The following SLC25A26 variants were observed in gnomAD, a reference collection of about 807,000 sequenced individuals.
The protein encoded by SLC25A26 is solute carrier family 25 member 26.
A neutral mutation model predicts 37.8 loss-of-function variants in SLC25A26; 36 were observed. The ratio of observed to expected loss-of-function variants is 0.95; its 90% CI spans 0.73 to 1.26. The LOEUF is 1.26. Ranked by LOEUF, SLC25A26 falls within the 50% of genes most tolerant of loss-of-function variation. The pLI is 0.00. For missense variants in SLC25A26, 390 were observed against 331.1 expected, an observed-to-expected ratio of 1.18 and a Z score of -1.38; for synonymous variants, 129 against 122.5, an observed-to-expected ratio of 1.05 and a Z score of -0.35.
At chr3:66,353,853 G>T (rs1421494628) in intron 6 of SLC25A26, among the ~76,000 whole-genome samples, 1 of 152,204 alleles carries the variant, frequency 6.6e-6, no homozygotes, top group Non-Finnish European at 1.5e-5. Flanking sequence ...ACTCCCCACA[G>T]GACGGTGCTT....
chr3:66,290,443 C>G (rs115844085), intron 5 of SLC25A26, among the ~76,000 whole-genome samples: 1 of 152,246 alleles, frequency 6.6e-6, no homozygotes, highest in African/African-American at 2.4e-5. Flanking sequence ...ATGATACAGG[C>G]TGTGGTTTTG....
chr3:66,295,625 T>A (rs1265326688), intron 5 of SLC25A26, among the ~76,000 whole-genome samples: 1 of 151,706 alleles, frequency 6.6e-6, no homozygotes, highest in African/African-American at 2.4e-5. Flanking sequence ...ATGCTCTTGA[T>A]CTCCTGACTT....
rs189802487 is a variant in SLC25A26, at chr3:66,249,414, A to G, written c.300+6102A>G. ...TCCCACTGGTTAAAGGATTGGACGC[A>G]TAGATGCTGTGTGGTGTTTTTCAGC... On this transcript the variant is annotated intron_variant, in intron 3 of 9. Transcript: ENST00000354883. Among the ~76,000 whole-genome samples, 28 of 152,354 alleles carry G rather than the reference A, an allele frequency of 1.8e-4. No individual in the cohort carries two copies. In the East Asian group the frequency reaches 4.6e-3, roughly 25 times the overall value.
At position 66,258,160 on chromosome 3, in the gene SLC25A26, A is replaced by G. The variant is rs9871250; in HGVS notation, c.301-3891A>G. Among the ~76,000 whole-genome samples, 1,221 of 152,190 alleles carry G rather than the reference A, an allele frequency of 8.0e-3. 19 individuals are homozygous for G. The highest frequency in any genetic ancestry group is 0.028 in the African/African-American group (1,160 of 41,524). On this transcript the variant is annotated intron_variant, in intron 3 of 9. Transcript: ENST00000354883. ...TCTAGATATCCTCCACCTCCCTAAC[A>G]AGGGGTGGCCATGTCACACAACTCT...
chr3:66,291,847 A>C (rs2107512198), intron 5 of SLC25A26, among the ~76,000 whole-genome samples: 1 of 152,194 alleles, frequency 6.6e-6, no homozygotes, highest in Middle Eastern at 3.4e-3. Context: ...TCAAGTCCTG[A>C]ATATCCTTGT....
At chr3:66,341,073 T>G (rs985109374) in intron 5 of SLC25A26, among the ~76,000 whole-genome samples, 5 of 152,092 alleles carry the variant, frequency 3.3e-5, no homozygotes, top group African/African-American at 1.2e-4. Flanking sequence ...TTTTTATTTG[T>G]TTTTCTTGCC....
intron 5 of SLC25A26, among the ~76,000 whole-genome samples, chr3:66,301,266 A>G (rs2075068480): frequency 7.9e-5 from 12 of 152,252 alleles, no homozygotes; most frequent in Admixed American, 7.2e-4. Context: ...TTTACATACT[A>G]GCTGCTTTGA....
chr3:66,297,030 A>G (rs1466983606), intron 5 of SLC25A26, among the ~76,000 whole-genome samples: 10 of 152,186 alleles, frequency 6.6e-5, no homozygotes. Flanking sequence ...AAGAATAAGA[A>G]TGTTTGGCAT....
At chr3:66,142,994 T>C (rs2070058432) in intron 1 of SLC25A26, among the ~76,000 whole-genome samples, 1 of 152,128 alleles carries the variant, frequency 6.6e-6, no homozygotes, top group Non-Finnish European at 1.5e-5. Context: ...CATGAACTCC[T>C]GGCCTCAGGC....
intron 5 of SLC25A26, among the ~76,000 whole-genome samples, chr3:66,265,047 T>C (rs2073690168): frequency 6.6e-6 from 1 of 152,234 alleles, no homozygotes; most frequent in African/African-American, 2.4e-5. Flanking sequence ...GCATGGTGAC[T>C]CAAGCCTGTA....
Position 66,274,899 on chromosome 3 carries a change from A to G in SLC25A26, c.453+11520A>G, listed in dbSNP as rs371943217. Among the ~76,000 whole-genome samples the G allele has an allele frequency of 3.5e-3, 526 of 151,516 alleles. 4 individuals carry two copies. The highest frequency in any genetic ancestry group is 0.014 in the Middle Eastern group (4 of 294). ...CATTTGACCCAGCCATCCCATTACT[A>G]GGTATATACCCAAAGGACTATAAAT... On this transcript the variant is annotated intron_variant, in intron 5 of 9. Coordinates refer to ENST00000354883, the MANE Select transcript of SLC25A26 (RefSeq NM_001379210.1).
intron 9 of SLC25A26, among the ~76,000 whole-genome samples, chr3:66,377,400 T>C (rs1700729323): frequency 1.3e-5 from 2 of 152,058 alleles, no homozygotes. Context: ...CCCCTGGAGA[T>C]CACTTTAGAG....
At chr3:66,231,046 G>A (rs537771199) in intron 1 of SLC25A26, among the ~76,000 whole-genome samples, 51 of 152,204 alleles carry the variant, frequency 3.4e-4, no homozygotes, top group South Asian at 1.0e-3. Flanking sequence ...ATGGTGGCAT[G>A]TGCCTGTAGT....
intron 6 of SLC25A26, among the ~76,000 whole-genome samples, chr3:66,349,237 A>T (rs940693675): frequency 2.6e-5 from 4 of 152,026 alleles, no homozygotes; most frequent in African/African-American, 9.7e-5. Flanking sequence ...TTTTTCTGTC[A>T]AGTCGTTTCT....
At chr3:66,237,872 AC>A (rs1041332285) in intron 2 of SLC25A26, among the ~76,000 whole-genome samples, 22 of 152,162 alleles carry the variant, frequency 1.4e-4, no homozygotes, top group African/African-American at 5.3e-4. Context: ...TTTTTCTCTT[AC>A]GTTAACCTGA....
chr3:66,270,557 A>G (rs1469898102), intron 5 of SLC25A26, among the ~76,000 whole-genome samples: 3 of 152,308 alleles, frequency 2.0e-5, no homozygotes, highest in South Asian at 4.1e-4. Context: ...ATTCTTTTTG[A>G]TGGAAATATT....
chr3:66,304,006 A>C (rs543429050), intron 5 of SLC25A26, among the ~76,000 whole-genome samples: 1 of 152,188 alleles, frequency 6.6e-6, no homozygotes, highest in Non-Finnish European at 1.5e-5. Context: ...CTTTTACAAC[A>C]TGAAATTTTA....
rs898781946 is a variant in SLC25A26 at position 66,184,677 on chromosome 3, T to C, written c.-353-36065T>C. On this transcript the variant is annotated intron_variant, in intron 1 of 10. Coordinates refer to the SLC25A26 transcript ENST00000676754. ...CTTTATTCTGATGTTCACCCTAAAATTGGCCCTCATCTGGCCCTCCCTCTT... is the reference window on the plus strand; with the variant it reads ...CTTTATTCTGATGTTCACCCTAAAACTGGCCCTCATCTGGCCCTCCCTCTT... 1.3e-3 allele frequency among the ~76,000 whole-genome samples: 69 copies of C among 53,496 alleles called. No homozygotes were observed. The South Asian group carries it at 0.015, about 12-fold the overall frequency. The allele number at this position is 53,496 out of a possible 152,430, so 35.1% of individuals were successfully genotyped here.
Position 66,371,631 on chromosome 3 carries a change from G to A in SLC25A26, c.707+1029G>A, listed in dbSNP as rs532806841. Among the ~76,000 whole-genome samples, 61 of 152,310 alleles carry A rather than the reference G, an allele frequency of 4.0e-4. 1 individual carries two copies. Among genetic ancestry groups the A allele is most frequent in the South Asian group, 8.3e-4 (4 of 4,830 alleles). On this transcript the variant is annotated intron_variant, in intron 9 of 9. Coordinates refer to ENST00000354883, the MANE Select transcript of SLC25A26 (RefSeq NM_001379210.1). ...TTGGCTGTTGACGTCTAGTGAGAGC[G>A]TGGGAAGGGCCTAGTGGGGGGCATG...
Sources: gnomAD v4.1 joint callset for allele counts (sites outside exome capture counted in the v4.1 genomes callset) on GRCh38, gnomAD v4.1.1 for gene constraint, MANE v1.5 for transcripts, NCBI Gene and HGNC (gene_info 2026-07-23, HGNC 2026-07-21) for gene names.